The following KRTAP19-5 variants were observed in gnomAD, a reference collection of about 807,000 sequenced individuals.
KRTAP19-5 encodes keratin-associated protein 19-5.
For synonymous variants in KRTAP19-5, 44 were observed against 40.7 expected (o/e 1.08, Z -0.31); for missense variants, 91 against 96.1 (o/e 0.95, Z 0.22).
In KRTAP19-5 at chr21:30,502,128, A is replaced by G. The variant is rs756688164; in HGVS notation, c.-38T>C. On this transcript the variant is annotated 5_prime_UTR_variant, in exon 1 of 1. Transcript: ENST00000334151. ...GGTGAGTTGGTATGCTGCTCAAGGC[A>G]AGATCCTGAGTGTGAACACCAGCAT... is the stretch of plus-strand genomic sequence containing the variant. 6.4e-7 allele frequency: 1 copy of G among 1,557,390 alleles called. No homozygotes were observed. Among genetic ancestry groups the G allele is most frequent in the East Asian group, 2.2e-5 (1 of 44,566 alleles).
At position 30,502,014 on chromosome 21, in the gene KRTAP19-5, C is replaced by A; in HGVS notation, c.77G>T (p.Gly26Val). The A allele has an allele frequency of 6.2e-7, 1 of 1,614,178 alleles. No individual in the cohort carries two copies. Among genetic ancestry groups the A allele is most frequent in the Non-Finnish European group, 8.5e-7 (1 of 1,180,020 alleles). The change falls in exon 1 of 1, where the codon GGC becomes GTC. Residue 26 changes from glycine (G) to valine (V), a missense_variant. By Grantham distance (109) the Gly-to-Val change is moderately radical (BLOSUM62 -3). Transcript: ENST00000334151. ...TCTGCGGAAGCTGCCACATCCACAG[C>A]CATAGCCATAGCCCAGGTCATCGAA... ...GGFDDLGYGY[G>V]CGCGSFRRLG...
rs138658815 is a variant in KRTAP19-5, at chr21:30,501,993, C to A, written c.98G>T (p.Arg33Leu). 2.7e-4 allele frequency: 428 copies of A among 1,614,140 alleles called. No individual in the cohort carries two copies. The highest frequency in any genetic ancestry group is 1.5e-3 in the Middle Eastern group (9 of 6,062). Residue 33 changes from arginine to leucine, a missense_variant, in exon 1 of 1, where the codon CGC becomes CTC. Coordinates refer to ENST00000334151, the MANE Select transcript of KRTAP19-5 (RefSeq NM_181611.3). The part of the protein sequence containing the change: ...YGYGCGCGSF[R>L]RLGYGGGYGG... ...GTAGCCACCGCCATAGCCCAGTCTG[C>A]GGAAGCTGCCACATCCACAGCCATA...
At position 30,502,124 on chromosome 21, in the gene KRTAP19-5, A is replaced by G; in HGVS notation, c.-34T>C. 1 of 1,569,168 alleles carries G rather than the reference A, an allele frequency of 6.4e-7. No homozygotes were observed. The highest frequency in any genetic ancestry group is 8.8e-7 in the Non-Finnish European group (1 of 1,138,932). Reference sequence around the variant, plus strand: ...GAGTGGTGAGTTGGTATGCTGCTCAAGGCAAGATCCTGAGTGTGAACACCA... The same window carrying G: ...GAGTGGTGAGTTGGTATGCTGCTCAGGGCAAGATCCTGAGTGTGAACACCA... On this transcript the variant is annotated 5_prime_UTR_variant, in exon 1 of 1. Coordinates refer to ENST00000334151, the MANE Select transcript of KRTAP19-5 (RefSeq NM_181611.3).
rs1986238139 is a variant in KRTAP19-5 at position 30,501,841 on chromosome 21, T to A, written c.*31A>T. The A allele has an allele frequency of 6.2e-7, 1 of 1,602,252 alleles. No individual in the cohort carries two copies. ...GTCAGGTTTGGGTGATCTTCTTATG[T>A]CCCCTCATGTTAGGTTGTCAGGGAA... On this transcript the variant is annotated 3_prime_UTR_variant, in exon 1 of 1. Transcript: ENST00000334151.
chr21:30,501,959 G>A lies in KRTAP19-5; in HGVS notation c.132C>T (p.Tyr44=), dbSNP rs200487595. The change falls in exon 1 of 1, where the codon TAC becomes TAT. Residue 44 remains tyrosine, a synonymous_variant. Coordinates refer to ENST00000334151, the MANE Select transcript of KRTAP19-5 (RefSeq NM_181611.3). Reference sequence around the variant, plus strand: ...AGCCTCCGAAGCCAGAGCCGTATCCGTAGCCTCCGTAGCCACCGCCATAGC... The same window carrying A: ...AGCCTCCGAAGCCAGAGCCGTATCCATAGCCTCCGTAGCCACCGCCATAGC... ...RLGYGGGYGG[Y]GYGSGFGGYG... is the part of the protein sequence containing the mutation. 3.1e-6 allele frequency: 5 copies of A among 1,614,110 alleles called. No individual in the cohort carries two copies. Among genetic ancestry groups the A allele is most frequent in the East Asian group, 2.2e-5 (1 of 44,874 alleles).
rs1326802758 is a variant in KRTAP19-5, at chr21:30,501,919, A to G, written c.172T>C (p.Cys58Arg). The change falls in exon 1 of 1, where the codon TGC becomes CGC. Residue 58 changes from cysteine to arginine, a missense_variant. By Grantham distance (180) the Cys-to-Arg change is radical (BLOSUM62 -3). Coordinates refer to ENST00000334151, the MANE Select transcript of KRTAP19-5 (RefSeq NM_181611.3). ...TATCCTCCATAGCATGATGGACGGC[A>G]GCTGCGGTATCCATAGCCTCCGAAG... is the stretch of plus-strand genomic sequence containing the variant. ...SGFGGYGYRS[C>R]RPSCYGGYGF... is the part of the protein sequence containing the mutation. 4 of 1,614,180 alleles carry G rather than the reference A, an allele frequency of 2.5e-6. No homozygotes were observed. Among genetic ancestry groups the G allele is most frequent in the Non-Finnish European group, 3.4e-6 (4 of 1,180,036 alleles).
Position 30,502,108 on chromosome 21 carries a change from G to A in KRTAP19-5, c.-18C>T. 2.5e-6 allele frequency: 4 copies of A among 1,603,836 alleles called. No homozygotes were observed. The highest frequency in any genetic ancestry group is 3.3e-5 in the Admixed American group (2 of 60,012). ...TAGTTCATGGTGTCAGGAGTGGTGAGTTGGTATGCTGCTCAAGGCAAGATC... is the reference window on the plus strand; with the variant it reads ...TAGTTCATGGTGTCAGGAGTGGTGAATTGGTATGCTGCTCAAGGCAAGATC... On this transcript the variant is annotated 5_prime_UTR_variant, in exon 1 of 1. Coordinates refer to ENST00000334151, the MANE Select transcript of KRTAP19-5 (RefSeq NM_181611.3).
rs1466925316 is a variant in KRTAP19-5, at chr21:30,501,734, A to G, written c.*138T>C. 1 of 719,418 alleles carries G rather than the reference A, an allele frequency of 1.4e-6. No homozygotes were observed. Among genetic ancestry groups the G allele is most frequent in the Non-Finnish European group, 2.4e-6 (1 of 409,524 alleles). 44.6% of individuals were successfully genotyped at this position (719,418 alleles called of 1,614,324 possible). A position where few individuals can be genotyped will look rare whatever the true frequency, so the allele number is the denominator to read the frequency against. ...ACATAAAGCAAAGAATTATGGAATGATAGGTATTCTTAAACCTCTTAGATG... is the reference window on the plus strand; with the variant it reads ...ACATAAAGCAAAGAATTATGGAATGGTAGGTATTCTTAAACCTCTTAGATG... On this transcript the variant is annotated 3_prime_UTR_variant, in exon 1 of 1. Transcript: ENST00000334151.
chr21:30,501,967 C>T lies in KRTAP19-5; in HGVS notation c.124G>A (p.Gly42Arg), dbSNP rs370535457. The change falls in exon 1 of 1, where the codon GGA becomes AGA. Residue 42 changes from glycine (G) to arginine (R), a missense_variant. Coordinates refer to ENST00000334151, the MANE Select transcript of KRTAP19-5 (RefSeq NM_181611.3). ...AAGCCAGAGCCGTATCCGTAGCCTC[C>T]GTAGCCACCGCCATAGCCCAGTCTG... is the stretch of plus-strand genomic sequence containing the variant. ...FRRLGYGGGY[G>R]GYGYGSGFGG... 4.0e-5 allele frequency: 64 copies of T among 1,614,124 alleles called. No individual in the cohort carries two copies. Among genetic ancestry groups the T allele is most frequent in the African/African-American group, 2.5e-4 (19 of 75,028 alleles).
chr21:30,502,092 G>A lies in KRTAP19-5; in HGVS notation c.-2C>T, dbSNP rs751702015. On this transcript the variant is annotated 5_prime_UTR_variant, in exon 1 of 1. Coordinates refer to ENST00000334151, the MANE Select transcript of KRTAP19-5 (RefSeq NM_181611.3). ...ATAGTAGTTGCCGTAGTAGTTCATG[G>A]TGTCAGGAGTGGTGAGTTGGTATGC... 2.5e-6 allele frequency: 4 copies of A among 1,613,228 alleles called. No homozygotes were observed. The highest frequency in any genetic ancestry group is 2.2e-5 in the South Asian group (2 of 91,070).
Position 30,501,799 on chromosome 21 carries a change from G to T in KRTAP19-5, c.*73C>A. On this transcript the variant is annotated 3_prime_UTR_variant, in exon 1 of 1. Coordinates refer to ENST00000334151, the MANE Select transcript of KRTAP19-5 (RefSeq NM_181611.3). ...TCTTGGCTTGATCCAGGGTGACCTC[G>T]TTTGTTTGTTATTGCAGTCAGGTTT... 7.0e-7 allele frequency: 1 copy of T among 1,428,302 alleles called. No individual in the cohort carries two copies. Among genetic ancestry groups the T allele is most frequent in the East Asian group, 2.3e-5 (1 of 43,778 alleles). 88.5% of individuals were successfully genotyped at this position (1,428,302 alleles called of 1,614,324 possible). A position where few individuals can be genotyped will look rare whatever the true frequency, so the allele number is the denominator to read the frequency against.
Position 30,501,790 on chromosome 21 carries a change from G to T in KRTAP19-5, c.*82C>A. On this transcript the variant is annotated 3_prime_UTR_variant, in exon 1 of 1. Coordinates refer to ENST00000334151, the MANE Select transcript of KRTAP19-5 (RefSeq NM_181611.3). Reference sequence around the variant, plus strand: ...TGCTCTTGATCTTGGCTTGATCCAGGGTGACCTCGTTTGTTTGTTATTGCA... The same window carrying T: ...TGCTCTTGATCTTGGCTTGATCCAGTGTGACCTCGTTTGTTTGTTATTGCA... 1 of 1,314,218 alleles carries T rather than the reference G, an allele frequency of 7.6e-7. No homozygotes were observed. Among genetic ancestry groups the T allele is most frequent in the South Asian group, 1.2e-5 (1 of 83,244 alleles). The allele number at this position is 1,314,218 out of a possible 1,614,324, so 81.4% of individuals were successfully genotyped here.
In KRTAP19-5 at chr21:30,502,136, G is replaced by A. The variant is rs542821644; in HGVS notation, c.-46C>T. ...GGTATGCTGCTCAAGGCAAGATCCTGAGTGTGAACACCAGCATGTGTAGGA... is the reference window on the plus strand; with the variant it reads ...GGTATGCTGCTCAAGGCAAGATCCTAAGTGTGAACACCAGCATGTGTAGGA... On this transcript the variant is annotated 5_prime_UTR_variant, in exon 1 of 1. Transcript: ENST00000334151. 2.2e-5 allele frequency: 32 copies of A among 1,486,636 alleles called. No individual in the cohort carries two copies. Among genetic ancestry groups the A allele is most frequent in the Non-Finnish European group, 2.6e-5 (28 of 1,063,694 alleles). 92.1% of individuals were successfully genotyped at this position (1,486,636 alleles called of 1,614,324 possible).
chr21:30,501,945 C>A lies in KRTAP19-5; in HGVS notation c.146G>T (p.Gly49Val). ...GGYGGYGYGS[G>V]FGGYGYRSCR... ...GCTGCGGTATCCATAGCCTCCGAAG[C>A]CAGAGCCGTATCCGTAGCCTCCGTA... The change falls in exon 1 of 1, where the codon GGC (glycine) becomes GTC (valine). Residue 49 changes from glycine to valine, a missense_variant. Physicochemically the swap from Gly to Val is moderately radical, Grantham distance 109. Transcript: ENST00000334151. The A allele has an allele frequency of 6.2e-7, 1 of 1,614,138 alleles. No homozygotes were observed. Among genetic ancestry groups the A allele is most frequent in the East Asian group, 2.2e-5 (1 of 44,866 alleles).
Position 30,502,078 on chromosome 21 carries a change from C to G in KRTAP19-5, c.13G>C (p.Gly5Arg). The change falls in exon 1 of 1, where the codon GGC (glycine) becomes CGC (arginine). Residue 5 changes from glycine to arginine, a missense_variant. Coordinates refer to ENST00000334151, the MANE Select transcript of KRTAP19-5 (RefSeq NM_181611.3). ...TAGCCCAGGCCTCCATAGTAGTTGC[C>G]GTAGTAGTTCATGGTGTCAGGAGTG... Reference protein sequence around the residue: MNYYGNYYGGLGYGY... With the variant: MNYYRNYYGGLGYGY... 1.2e-6 allele frequency: 2 copies of G among 1,614,000 alleles called. No homozygotes were observed. Among genetic ancestry groups the G allele is most frequent in the South Asian group, 2.2e-5 (2 of 91,076 alleles).
Position 30,501,992 on chromosome 21 carries a change from G to C in KRTAP19-5, c.99C>G (p.Arg33=), listed in dbSNP as rs1054805566. 8 of 1,614,026 alleles carry C rather than the reference G, an allele frequency of 5.0e-6. No homozygotes were observed. The highest frequency in any genetic ancestry group is 5.1e-6 in the Non-Finnish European group (6 of 1,180,022). Residue 33 remains arginine (R), a synonymous_variant, in exon 1 of 1, where the codon CGC becomes CGG. Coordinates refer to ENST00000334151, the MANE Select transcript of KRTAP19-5 (RefSeq NM_181611.3). ...CGTAGCCACCGCCATAGCCCAGTCT[G>C]CGGAAGCTGCCACATCCACAGCCAT... ...YGYGCGCGSF[R]RLGYGGGYGG...
chr21:30,502,055 G>A lies in KRTAP19-5; in HGVS notation c.36C>T (p.Gly12=), dbSNP rs1986248419. 4 of 1,614,168 alleles carry A rather than the reference G, an allele frequency of 2.5e-6. No individual in the cohort carries two copies. The highest frequency in any genetic ancestry group is 1.3e-5 in the African/African-American group (1 of 75,022). The change falls in exon 1 of 1, where the codon GGC becomes GGT. Residue 12 remains glycine (G), a synonymous_variant. Transcript: ENST00000334151. Reference sequence around the variant, plus strand: ...GGTCATCGAAGCCTCCGTAGCCGTAGCCCAGGCCTCCATAGTAGTTGCCGT... The same window carrying A: ...GGTCATCGAAGCCTCCGTAGCCGTAACCCAGGCCTCCATAGTAGTTGCCGT... ...NYYGNYYGGL[G]YGYGGFDDLG... is the part of the protein sequence containing the mutation.
Position 30,501,800 on chromosome 21 carries a change from T to G in KRTAP19-5, c.*72A>C. The G allele has an allele frequency of 1.4e-6, 2 of 1,433,752 alleles. No homozygotes were observed. Among genetic ancestry groups the G allele is most frequent in the Non-Finnish European group, 2.0e-6 (2 of 1,017,490 alleles). The allele number at this position is 1,433,752 out of a possible 1,614,324, so 88.8% of individuals were successfully genotyped here. A position where few individuals can be genotyped will look rare whatever the true frequency, so the allele number is the denominator to read the frequency against. Reference sequence around the variant, plus strand: ...CTTGGCTTGATCCAGGGTGACCTCGTTTGTTTGTTATTGCAGTCAGGTTTG... The same window carrying G: ...CTTGGCTTGATCCAGGGTGACCTCGGTTGTTTGTTATTGCAGTCAGGTTTG... On this transcript the variant is annotated 3_prime_UTR_variant, in exon 1 of 1. Coordinates refer to ENST00000334151, the MANE Select transcript of KRTAP19-5 (RefSeq NM_181611.3).
chr21:30,501,860 C>T lies in KRTAP19-5; in HGVS notation c.*12G>A, dbSNP rs972337457. 1.9e-6 allele frequency: 3 copies of T among 1,612,618 alleles called. No individual in the cohort carries two copies. Among genetic ancestry groups the T allele is most frequent in the African/African-American group, 2.7e-5 (2 of 74,852 alleles). ...CTTATGTCCCCTCATGTTAGGTTGT[C>T]AGGGAAGGATTTCAATAAAATCCAG... On this transcript the variant is annotated 3_prime_UTR_variant, in exon 1 of 1. Coordinates refer to ENST00000334151, the MANE Select transcript of KRTAP19-5 (RefSeq NM_181611.3).
Sources: gnomAD v4.1 joint callset for allele counts on GRCh38, gnomAD v4.1.1 for gene constraint, MANE v1.5 for transcripts, NCBI Gene and HGNC (gene_info 2026-07-23, HGNC 2026-07-21) for gene names.